NRXN1: variants seen among roughly 807,000 people sequenced by gnomAD.
NRXN1 encodes the protein neurexin 1.
A neutral mutation model predicts 150.9 loss-of-function variants in NRXN1; 39 were observed. The ratio of observed to expected loss-of-function variants is 0.26; its 90% CI spans 0.20 to 0.34. The LOEUF is 0.34. Among genes scored for constraint, NRXN1 ranks in the 10% least tolerant of loss-of-function variants. NRXN1 has a pLI of 1.00. For missense variants in NRXN1, 1,815 were observed against 1,949.9 expected, an observed-to-expected ratio of 0.93 and a Z score of 1.30; for synonymous variants, 924 against 757.0, an observed-to-expected ratio of 1.22 and a Z score of -3.62.
chr2:50,538,270 C>T lies in NRXN1; in HGVS notation c.2126G>A (p.Gly709Asp). Residue 709 changes from glycine to aspartate, a missense_variant, in exon 10 of 23, where the codon GGC becomes GAC. Around this residue, in one of 6 missense-constraint regions of NRXN1, gnomAD observed 638 missense variants for 652.6 expected, o/e 0.98. Coordinates refer to ENST00000401669, the MANE Select transcript of NRXN1 (RefSeq NM_001330078.2). Reference sequence around the variant, plus strand: ...AATCCTACCTCTCTCACAGGACCTGCCAAGATAGCCTGTTCCGGAACAATC... The same window carrying T: ...AATCCTACCTCTCTCACAGGACCTGTCAAGATAGCCTGTTCCGGAACAATC... ...VCDCSGTGYLGRSCEREATVL... is the reference protein window; with the variant it reads ...VCDCSGTGYLDRSCEREATVL... 6.2e-7 allele frequency: 1 copy of T among 1,611,562 alleles called. No individual in the cohort carries two copies. The highest frequency in any genetic ancestry group is 2.2e-5 in the East Asian group (1 of 44,826).
At chr2:50,319,095 C>T (rs1053058254) in intron 17 of NRXN1, among the ~76,000 whole-genome samples, 16 of 151,882 alleles carry the variant, frequency 1.1e-4, no homozygotes, top group African/African-American at 3.9e-4. Context: ...TTTAAAGAAA[C>T]ATGGCAAAAC....
At chr2:50,488,229 C>T (rs545798828) in intron 15 of NRXN1, among the ~76,000 whole-genome samples, 2 of 152,286 alleles carry the variant, frequency 1.3e-5, no homozygotes, top group African/African-American at 4.8e-5. Context: ...TTAAACAAAT[C>T]CAGTAAACTC....
At chr2:50,370,207 T>C (rs1225365801) in intron 17 of NRXN1, among the ~76,000 whole-genome samples, 1 of 151,982 alleles carries the variant, frequency 6.6e-6, no homozygotes, top group Non-Finnish European at 1.5e-5. Context: ...AGGGTACATG[T>C]TTGATGTTGT....
At chr2:50,954,275 T>C (rs899586402) in intron 2 of NRXN1, among the ~76,000 whole-genome samples, 3 of 152,228 alleles carry the variant, frequency 2.0e-5, no homozygotes, top group African/African-American at 4.8e-5. Flanking sequence ...ACTTCAGCTT[T>C]AATACAATTA....
intron 17 of NRXN1, among the ~76,000 whole-genome samples, chr2:50,240,178 C>G (rs2152884702): frequency 6.6e-6 from 1 of 151,792 alleles, no homozygotes; most frequent in Middle Eastern, 3.4e-3. Context: ...AATGACTTTA[C>G]AGTTTTTTAG....
At chr2:50,632,078 T>C (rs934298423) in intron 5 of NRXN1, among the ~76,000 whole-genome samples, 3 of 152,030 alleles carry the variant, frequency 2.0e-5, no homozygotes, top group African/African-American at 4.8e-5. Flanking sequence ...AGGTATTTTG[T>C]ATTTATAAAC....
At chr2:50,511,917 A>G (rs1199762143) in intron 12 of NRXN1, among the ~76,000 whole-genome samples, 1 of 152,122 alleles carries the variant, frequency 6.6e-6, no homozygotes, top group African/African-American at 2.4e-5. Flanking sequence ...TCTCAGAACA[A>G]AGGAAATTTC....
intron 2 of NRXN1, among the ~76,000 whole-genome samples, chr2:50,981,613 A>G (rs1696829527): frequency 6.6e-6 from 1 of 151,824 alleles, no homozygotes; most frequent in African/African-American, 2.4e-5. Context: ...ATTAATGATG[A>G]GCTGTTTATT....
intron 2 of NRXN1, among the ~76,000 whole-genome samples, chr2:51,014,256 G>A (rs1359727610): frequency 1.3e-5 from 2 of 151,986 alleles, no homozygotes; most frequent in Non-Finnish European, 2.9e-5. Context: ...ACAGAGCGGG[G>A]GCTATTAGAG....
chr2:50,228,886 GT>G (rs1448963120), intron 18 of NRXN1, among the ~76,000 whole-genome samples: 1 of 151,914 alleles, frequency 6.6e-6, no homozygotes, highest in East Asian at 1.9e-4. Flanking sequence ...TGGCAAAAAG[GT>G]TAGACAGTTT....
intron 18 of NRXN1, among the ~76,000 whole-genome samples, chr2:50,223,502 A>T (rs2152861035): frequency 6.6e-6 from 1 of 152,062 alleles, no homozygotes; most frequent in South Asian, 2.1e-4. Context: ...TTAAAGATCA[A>T]ATGAACACAG....
chr2:50,286,710 T>C (rs1325175516), intron 17 of NRXN1, among the ~76,000 whole-genome samples: 1 of 152,062 alleles, frequency 6.6e-6, no homozygotes, highest in African/African-American at 2.4e-5. Context: ...TGTGAGTACA[T>C]TAAAAAATTG....
At chr2:50,419,879 A>G (rs912573361) in intron 17 of NRXN1, among the ~76,000 whole-genome samples, 4 of 152,100 alleles carry the variant, frequency 2.6e-5, no homozygotes, top group African/African-American at 7.2e-5. Flanking sequence ...CTTGGTACCA[A>G]TAACACTGAA....
intron 2 of NRXN1, among the ~76,000 whole-genome samples, chr2:51,011,959 C>A (rs1667947837): frequency 6.6e-6 from 1 of 151,906 alleles, no homozygotes; most frequent in Non-Finnish European, 1.5e-5. Flanking sequence ...AGAACTTGGT[C>A]ACAGAAAGCA....
intron 5 of NRXN1, among the ~76,000 whole-genome samples, chr2:50,864,373 TTTATC>T (rs1367244704): frequency 6.6e-6 from 1 of 152,012 alleles, no homozygotes; most frequent in Non-Finnish European, 1.5e-5. Flanking sequence ...GAATGTCTTA[TTTATC>T]TTTTCATTTT....
intron 18 of NRXN1, among the ~76,000 whole-genome samples, chr2:50,208,821 T>C (rs548804580): frequency 6.6e-6 from 1 of 152,294 alleles, no homozygotes; most frequent in South Asian, 2.1e-4. Context: ...CAAAACGTGC[T>C]AACATTCTTG....
At chr2:50,034,402 A>T (rs1202660337) in intron 21 of NRXN1, among the ~76,000 whole-genome samples, 1 of 152,140 alleles carries the variant, frequency 6.6e-6, no homozygotes, top group Non-Finnish European at 1.5e-5. Flanking sequence ...ACAGAAAAAC[A>T]AATATCACAT....
At chr2:50,474,530 A>G (rs527455188) in intron 15 of NRXN1, among the ~76,000 whole-genome samples, 1 of 151,820 alleles carries the variant, frequency 6.6e-6, no homozygotes, top group Non-Finnish European at 1.5e-5. Flanking sequence ...GCATTTCCTC[A>G]GGAGAACTAA....
At chr2:50,649,585 T>C (rs1169177546) in intron 5 of NRXN1, among the ~76,000 whole-genome samples, 1 of 152,038 alleles carries the variant, frequency 6.6e-6, no homozygotes, top group Non-Finnish European at 1.5e-5. Context: ...ACCCCCTCTT[T>C]GCTTGAGGGT....
Sources: gnomAD v4.1 joint callset for allele counts (sites outside exome capture counted in the v4.1 genomes callset) on GRCh38, gnomAD v4.1.1 for gene constraint, gnomAD v4.1.1 regional missense constraint, MANE v1.5 for transcripts, NCBI Gene and HGNC (gene_info 2026-07-23, HGNC 2026-07-21) for gene names.